Variants in PGM3 observed in about 807,000 individuals in gnomAD.
The protein encoded by PGM3 is phosphoglucomutase 3.
A neutral mutation model predicts 66.2 loss-of-function variants in PGM3; 40 were observed. That is an observed-to-expected ratio of 0.60 (90% confidence interval 0.47 to 0.79). The LOEUF is 0.79. Ranked by LOEUF, PGM3 falls within the 30% of genes least tolerant of loss-of-function variation. The pLI is 0.00. For synonymous variants in PGM3, 191 were observed against 224.2 expected, an observed-to-expected ratio of 0.85 and a Z score of 1.32; for missense variants, 537 against 643.4, an observed-to-expected ratio of 0.83 and a Z score of 1.79.
intron 8 of PGM3, among the ~76,000 whole-genome samples, chr6:83,178,008 T>A (rs1458846083): frequency 6.6e-6 from 1 of 152,178 alleles, no homozygotes; most frequent in South Asian, 2.1e-4. Context: ...CTCCTACCAC[T>A]GCAAAACTCC....
rs869312886 is a variant in PGM3 at position 83,181,808 on chromosome 6, C to T, written c.715G>A (p.Asp239Asn). The T allele has an allele frequency of 1.2e-6, 2 of 1,614,084 alleles. No homozygotes were observed. Among genetic ancestry groups the T allele is most frequent in the South Asian group, 1.1e-5 (1 of 91,080 alleles). The change falls in exon 6 of 13, where the codon GAT becomes AAT. Residue 239 changes from aspartate to asparagine, a missense_variant. Coordinates refer to ENST00000513973, the MANE Select transcript of PGM3 (RefSeq NM_015599.3). The part of the protein sequence containing the change: ...SQGLSVQLFN[D>N]GSKGKLNHLC... ...TGATTGAGTTTGCCCTTGGACCCAT[C>T]ATTAAACAGCTGAACTGACAGGCCC...
chr6:83,157,035 G>A (rs1782958856), downstream of PGM3: 1 of 693,228 alleles, frequency 1.4e-6, no homozygotes, highest in South Asian at 2.3e-5. Context: ...CTTATTCGTT[G>A]TTTTATGAAA....
Position 83,191,958 on chromosome 6 carries a change from C to CAAAAAAAAAAAAAAA in PGM3, c.-2-959_-2-945dup, listed in dbSNP as rs1219337174. Among the ~76,000 whole-genome samples, 19 of 39,360 alleles carry CAAAAAAAAAAAAAAA rather than the reference C, an allele frequency of 4.8e-4. 1 individual carries two copies. Among genetic ancestry groups the CAAAAAAAAAAAAAAA allele is most frequent in the South Asian group, 1.1e-3 (1 of 936 alleles). 25.8% of individuals were successfully genotyped at this position (39,360 alleles called of 152,430 possible). A position where few individuals can be genotyped will look rare whatever the true frequency, so the allele number is the denominator to read the frequency against. On this transcript the variant is annotated intron_variant, in intron 1 of 12. Coordinates refer to ENST00000513973, the MANE Select transcript of PGM3 (RefSeq NM_015599.3). Reference sequence around the variant, plus strand: ...TGGGTGACAAAGGGAGACTCGGTCTCAAAAAAAAAAAAAAAAAAAAAAAAC... The same window carrying CAAAAAAAAAAAAAAA: ...TGGGTGACAAAGGGAGACTCGGTCTCAAAAAAAAAAAAAAAAAAAAAAAAAAAAAAAAAAAAAAAC...
chr6:83,157,517 CATAG>C (rs1783060796), downstream of PGM3, among the ~76,000 whole-genome samples: 1 of 152,144 alleles, frequency 6.6e-6, no homozygotes, highest in East Asian at 1.9e-4. Context: ...AAACATGCAA[CATAG>C]ATGGATGGCC....
downstream of PGM3, among the ~76,000 whole-genome samples, chr6:83,161,983 T>C (rs1784342634): frequency 6.6e-6 from 1 of 152,156 alleles, no homozygotes; most frequent in Admixed American, 6.6e-5. Flanking sequence ...AAGTTTTATA[T>C]GATGCAGAAT....
Position 83,165,951 on chromosome 6 carries a change from C to T in PGM3, c.*3283G>A. ...ATCAGACTGGCAGCAAACCACCAAACAATGACCATGACCATTTTTTGGAGC... is the reference window on the plus strand; with the variant it reads ...ATCAGACTGGCAGCAAACCACCAAATAATGACCATGACCATTTTTTGGAGC... On this transcript the variant is annotated 3_prime_UTR_variant, in exon 13 of 13. Transcript: ENST00000513973. 1 of 356,716 alleles carries T rather than the reference C, an allele frequency of 2.8e-6. No individual in the cohort carries two copies. Among genetic ancestry groups the T allele is most frequent in the South Asian group, 2.5e-5 (1 of 40,354 alleles). The allele number at this position is 356,716 out of a possible 1,614,324, so 22.1% of individuals were successfully genotyped here. A position where few individuals can be genotyped will look rare whatever the true frequency, so the allele number is the denominator to read the frequency against.
chr6:83,159,821 C>T (rs761041314), downstream of PGM3: 54 of 1,614,010 alleles, frequency 3.3e-5, no homozygotes, highest in Middle Eastern at 1.6e-4. Flanking sequence ...TGTGGCTGGT[C>T]TGGAGACAAC....
Position 83,167,248 on chromosome 6 carries a change from T to A in PGM3, c.*1986A>T. ...GAGCCAGCACACTAACTCAATTCCT[T>A]TGACTCCAGGTCCAGCTTTCCTCCC... On this transcript the variant is annotated 3_prime_UTR_variant, in exon 13 of 13. Transcript: ENST00000513973. 4 of 977,930 alleles carry A rather than the reference T, an allele frequency of 4.1e-6. No homozygotes were observed. Among genetic ancestry groups the A allele is most frequent in the Non-Finnish European group, 4.9e-6 (4 of 823,074 alleles). 60.6% of individuals were successfully genotyped at this position (977,930 alleles called of 1,614,324 possible). A position where few individuals can be genotyped will look rare whatever the true frequency, so the allele number is the denominator to read the frequency against.
At chr6:83,153,728 C>T in the PGM3 span, 1 of 1,185,716 alleles carries the variant, frequency 8.4e-7, no homozygotes, top group Non-Finnish European at 1.2e-6. Flanking sequence ...GCATTTTTAC[C>T]TTGAATTATA....
intron 11 of PGM3, chr6:83,170,748 C>A (rs928176064): frequency 1.8e-5 from 5 of 281,576 alleles, no homozygotes; most frequent in African/African-American, 8.7e-5. Flanking sequence ...TGACTAAGTC[C>A]CATATCACAC....
chr6:83,177,211 G>C (rs1242394779), intron 8 of PGM3, among the ~76,000 whole-genome samples: 1 of 152,096 alleles, frequency 6.6e-6, no homozygotes, highest in Non-Finnish European at 1.5e-5. Flanking sequence ...CTGCTTTCTA[G>C]AGAATGGAAA....
At chr6:83,155,269 C>A in the PGM3 span, among the ~76,000 whole-genome samples, 1 of 148,818 alleles carries the variant, frequency 6.7e-6, no homozygotes, top group South Asian at 2.1e-4. Context: ...TGAGACTAAC[C>A]TGGACAAAAT....
downstream of PGM3, among the ~76,000 whole-genome samples, chr6:83,161,516 C>T (rs1784233989): frequency 6.6e-6 from 1 of 152,010 alleles, no homozygotes; most frequent in Non-Finnish European, 1.5e-5. Flanking sequence ...TGACAAAAGT[C>T]TAAAATGCAT....
At chr6:83,157,238 T>A, downstream of PGM3, 1 of 1,614,074 alleles carries the variant, frequency 6.2e-7, no homozygotes, top group Non-Finnish European at 8.5e-7. Context: ...TTCTCAAGTG[T>A]TCCTGTTTTT....
intron 4 of PGM3, among the ~76,000 whole-genome samples, chr6:83,185,662 G>C (rs542640310): frequency 1.3e-5 from 2 of 152,246 alleles, no homozygotes; most frequent in South Asian, 4.1e-4. Flanking sequence ...GGGAGGCTGA[G>C]GCAGGAGAAT....
rs191359503 is a variant in PGM3 at position 83,177,334 on chromosome 6, A to G, written c.1030-1274T>C. On this transcript the variant is annotated intron_variant, in intron 8 of 12. Transcript: ENST00000513973. ...GGCAAACAGACTTCCAGTTTTGTCCATGAACCCTGGTAACTCTCCGAGCAA... is the reference window on the plus strand; with the variant it reads ...GGCAAACAGACTTCCAGTTTTGTCCGTGAACCCTGGTAACTCTCCGAGCAA... Among the ~76,000 whole-genome samples the G allele has an allele frequency of 1.4e-3, 207 of 152,314 alleles. 1 individual carries two copies. The highest frequency in any genetic ancestry group is 4.8e-3 in the African/African-American group (201 of 41,568).
At chr6:83,170,140 A>G in intron 12 of PGM3, 165 bp downstream of exon 12, 1 of 634,506 alleles carries the variant, frequency 1.6e-6, no homozygotes. Flanking sequence ...GTTAAATTGT[A>G]TAATTACTGC....
At chr6:83,187,874 T>A (rs1457652467) in intron 3 of PGM3, among the ~76,000 whole-genome samples, 1 of 152,174 alleles carries the variant, frequency 6.6e-6, no homozygotes, top group East Asian at 1.9e-4. Context: ...AGTTAATAGT[T>A]AAGAACCAAA....
downstream of PGM3, chr6:83,158,714 T>C: frequency 1.2e-6 from 1 of 828,548 alleles, no homozygotes; most frequent in Non-Finnish European, 1.9e-6. Flanking sequence ...TATAGTCTTT[T>C]TCTGAATACT....
Sources: gnomAD v4.1 joint callset for allele counts (sites outside exome capture counted in the v4.1 genomes callset) on GRCh38, gnomAD v4.1.1 for gene constraint, MANE v1.5 for transcripts, NCBI Gene and HGNC (gene_info 2026-07-23, HGNC 2026-07-21) for gene names.